Variants in GAN observed in about 807,000 individuals in gnomAD.
The protein encoded by GAN is gigaxonin.
In GAN, 48 loss-of-function variants were observed where a neutral mutation model predicts 71.3. The ratio of observed to expected loss-of-function variants is 0.67; its 90% CI spans 0.53 to 0.86. The LOEUF is 0.86. Ranked by LOEUF, GAN falls within the 40% of genes least tolerant of loss-of-function variation. The pLI is 0.00. For synonymous variants in GAN, 386 were observed against 276.8 expected (o/e 1.39, Z -3.92); for missense variants, 928 against 770.1 (o/e 1.21, Z -2.43).
chr16:81,336,393 A>G (rs1421791938), intron 1 of GAN, among the ~76,000 whole-genome samples: 3 of 152,214 alleles, frequency 2.0e-5, no homozygotes, highest in Non-Finnish European at 4.4e-5. Flanking sequence ...TGTTGATGGA[A>G]ACATTAACTG....
chr16:81,349,156 A>G (rs779691863), intron 1 of GAN, among the ~76,000 whole-genome samples: 38 of 152,128 alleles, frequency 2.5e-4, no homozygotes, highest in Admixed American at 4.6e-4. Context: ...GACTTTGTTA[A>G]CAGTTCTGTT....
At chr16:81,374,807 C>T (rs1904275938) in intron 9 of GAN, among the ~76,000 whole-genome samples, 1 of 152,164 alleles carries the variant, frequency 6.6e-6, no homozygotes, top group South Asian at 2.1e-4. Flanking sequence ...TTCATAGAGC[C>T]TCAAATCCTT....
intron 1 of GAN, among the ~76,000 whole-genome samples, chr16:81,317,045 G>C (rs1909066999): frequency 6.6e-6 from 1 of 152,080 alleles, no homozygotes; most frequent in Non-Finnish European, 1.5e-5. Context: ...TTTTAGTAGA[G>C]TCGGGGTTTT....
chr16:81,377,015 A>G (rs1296720736), intron 9 of GAN, among the ~76,000 whole-genome samples: 1 of 152,192 alleles, frequency 6.6e-6, no homozygotes, highest in African/African-American at 2.4e-5. Flanking sequence ...ATGACTCAAT[A>G]CATGTTTCAT....
At chr16:81,353,299 A>C (rs1910366164) in intron 2 of GAN, among the ~76,000 whole-genome samples, 1 of 151,896 alleles carries the variant, frequency 6.6e-6, no homozygotes, top group Non-Finnish European at 1.5e-5. Flanking sequence ...CTCAAAAAAA[A>C]AAAAAAACGA....
At chr16:81,321,287 A>G (rs766420581) in intron 1 of GAN, among the ~76,000 whole-genome samples, 1 of 152,282 alleles carries the variant, frequency 6.6e-6, no homozygotes, top group African/African-American at 2.4e-5. Flanking sequence ...TTTCCCGAGG[A>G]TTGTTATTAT....
chr16:81,375,186 G>A (rs1286110818), intron 9 of GAN, among the ~76,000 whole-genome samples: 2 of 151,554 alleles, frequency 1.3e-5, no homozygotes, highest in African/African-American at 2.4e-5. Flanking sequence ...TACATGCTGG[G>A]AAAAAATATT....
rs114197026 is a variant in GAN, at chr16:81,319,842, G to A, written c.167+4562G>A. Among the ~76,000 whole-genome samples, 482 of 152,140 alleles carry A rather than the reference G, an allele frequency of 3.2e-3. 4 individuals carry two copies. The highest frequency in any genetic ancestry group is 0.011 in the African/African-American group (471 of 41,498). ...CCTTATCTGTGAAGTGAGGTGGTTG[G>A]GCTACATGGACAGCAAATCCCCTTT... On this transcript the variant is annotated intron_variant, in intron 1 of 10. Coordinates refer to ENST00000648994, the MANE Select transcript of GAN (RefSeq NM_022041.4).
intron 4 of GAN, 48 bp from the exon 5 acceptor site, chr16:81,357,762 G>T (rs1278092756): frequency 1.3e-6 from 2 of 1,568,434 alleles, no homozygotes; most frequent in East Asian, 2.2e-5. Context: ...CTTATAAAAA[G>T]AACTGTATGA....
intron 9 of GAN, among the ~76,000 whole-genome samples, chr16:81,365,956 A>G (rs1910843513): frequency 6.6e-6 from 1 of 152,110 alleles, no homozygotes; most frequent in South Asian, 2.1e-4. Context: ...TTTTTCTGCT[A>G]CTGACCCAGA....
chr16:81,332,619 C>A (rs1325097364), intron 1 of GAN, among the ~76,000 whole-genome samples: 4 of 152,200 alleles, frequency 2.6e-5, no homozygotes, highest in African/African-American at 9.7e-5. Flanking sequence ...ATTCTGCCTT[C>A]CCTTGTACAT....
intron 9 of GAN, among the ~76,000 whole-genome samples, chr16:81,369,566 G>T (rs941383346): frequency 6.6e-6 from 1 of 152,134 alleles, no homozygotes; most frequent in Non-Finnish European, 1.5e-5. Context: ...AGCTTCTTTG[G>T]GTAGAATTCT....
At chr16:81,337,586 A>G (rs1338934999) in intron 1 of GAN, among the ~76,000 whole-genome samples, 2 of 152,224 alleles carry the variant, frequency 1.3e-5, no homozygotes, top group Non-Finnish European at 2.9e-5. Flanking sequence ...TTTGGAAGCA[A>G]GAAGGGGACT....
rs1471052510 is a variant in GAN at position 81,363,872 on chromosome 16, A to T, written c.1165A>T (p.Ile389Phe). ...AGGAGAGGATGGTGAAAAGGAGCTG[A>T]TTTCCATGGAGTGTTACGATATTTA... ...LGGEDGEKEL[I>F]SMECYDIYSK... is the part of the protein sequence containing the mutation. Residue 389 changes from isoleucine to phenylalanine, a missense_variant, in exon 7 of 11, where the codon ATT becomes TTT. Physicochemically the swap from Ile to Phe is conservative, Grantham distance 21 (BLOSUM62 0). Coordinates refer to ENST00000648994, the MANE Select transcript of GAN (RefSeq NM_022041.4). The T allele has an allele frequency of 1.1e-5, 18 of 1,611,696 alleles. No individual in the cohort carries two copies. The highest frequency in any genetic ancestry group is 1.4e-5 in the Non-Finnish European group (17 of 1,177,854).
chr16:81,361,381 A>C (rs965860060), intron 5 of GAN, among the ~76,000 whole-genome samples: 17 of 144,624 alleles, frequency 1.2e-4, no homozygotes, highest in African/African-American at 4.4e-4. Context: ...ATTTGGTATT[A>C]ACTGTAAGTT....
intron 1 of GAN, among the ~76,000 whole-genome samples, chr16:81,321,803 G>T (rs1010588434): frequency 6.6e-6 from 1 of 152,118 alleles, no homozygotes; most frequent in Non-Finnish European, 1.5e-5. Flanking sequence ...CTGGGTTAAG[G>T]GTGGAGATAC....
In GAN at chr16:81,379,616, T is replaced by C. The variant is rs551198435; in HGVS notation, c.*2020T>C. 2.0e-5 allele frequency: 3 copies of C among 152,336 alleles called. No individual in the cohort carries two copies. Among genetic ancestry groups the C allele is most frequent in the East Asian group, 3.9e-4 (2 of 5,182 alleles). The allele number at this position is 152,336 out of a possible 1,614,324, so 9.4% of individuals were successfully genotyped here. A position where few individuals can be genotyped will look rare whatever the true frequency, so the allele number is the denominator to read the frequency against. On this transcript the variant is annotated 3_prime_UTR_variant, in exon 11 of 11. Transcript: ENST00000648994. Reference sequence around the variant, plus strand: ...AGATTTTTCTTTTTACAACTAGATATTAGTTTTAGAGGAAGGAAATAGCTG... The same window carrying C: ...AGATTTTTCTTTTTACAACTAGATACTAGTTTTAGAGGAAGGAAATAGCTG...
rs1910806940 is a variant in GAN, at chr16:81,365,095, C to T, written c.1358C>T (p.Pro453Leu). 3 of 1,613,802 alleles carry T rather than the reference C, an allele frequency of 1.9e-6. No individual in the cohort carries two copies. Among genetic ancestry groups the T allele is most frequent in the African/African-American group, 1.3e-5 (1 of 74,922 alleles). ...PRTQQWTAIC[P>L]LKERRFGAVA... ...ACCCAGCAGTGGACTGCCATATGTC[C>T]ACTAAAAGAGAGGAGGTACGTGGCT... is the stretch of plus-strand genomic sequence containing the variant. Residue 453 changes from proline to leucine, a missense_variant, in exon 8 of 11, where the codon CCA (proline) becomes CTA (leucine). Coordinates refer to ENST00000648994, the MANE Select transcript of GAN (RefSeq NM_022041.4).
At chr16:81,360,575 AT>A (rs550952097) in intron 5 of GAN, among the ~76,000 whole-genome samples, 4,362 of 143,050 alleles carry the variant, frequency 0.03, 182 homozygotes, top group African/African-American at 0.097. Flanking sequence ...TTATCCATTG[AT>A]TTTTTTTTTT....
Sources: gnomAD v4.1 joint callset for allele counts (sites outside exome capture counted in the v4.1 genomes callset) on GRCh38, gnomAD v4.1.1 for gene constraint, MANE v1.5 for transcripts, NCBI Gene and HGNC (gene_info 2026-07-23, HGNC 2026-07-21) for gene names.